Variants in GPATCH1 observed in about 807,000 individuals in gnomAD.
GPATCH1 encodes G-patch domain containing 1.
Under a neutral mutation model 114.9 loss-of-function variants are expected in GPATCH1, and 73 were observed. That is an observed-to-expected ratio of 0.64 (90% CI 0.53 to 0.77). The LOEUF is 0.77. Ranked by LOEUF, GPATCH1 falls within the 30% of genes least tolerant of loss-of-function variation. The pLI, the probability that GPATCH1 is intolerant of heterozygous loss-of-function variation, is 0.00. For missense variants in GPATCH1, 1,058 were observed against 1,144.3 expected (o/e 0.92, Z 1.09); for synonymous variants, 391 against 428.4 (o/e 0.91, Z 1.08).
In GPATCH1 at chr19:33,111,916, A is replaced by G. The variant is rs1315680588; in HGVS notation, c.1764+14A>G. On this transcript the variant is annotated intron_variant, in intron 12 of 19. Coordinates refer to ENST00000170564, the MANE Select transcript of GPATCH1 (RefSeq NM_018025.3). Reference sequence around the variant, plus strand: ...CGAGACCAAGAGGTCTGTTGTCACCATGTCCCTTACCTGGTGAACTTTAAT... The same window carrying G: ...CGAGACCAAGAGGTCTGTTGTCACCGTGTCCCTTACCTGGTGAACTTTAAT... 2 of 1,601,620 alleles carry G rather than the reference A, an allele frequency of 1.2e-6. No homozygotes were observed. The highest frequency in any genetic ancestry group is 2.7e-5 in the African/African-American group (2 of 74,658).
chr19:33,106,179 A>G (rs1326616784), intron 9 of GPATCH1, among the ~76,000 whole-genome samples: 2 of 151,464 alleles, frequency 1.3e-5, no homozygotes, highest in Non-Finnish European at 2.9e-5. Context: ...TTTTTTTTTT[A>G]GTTTTATAGA....
intron 5 of GPATCH1, among the ~76,000 whole-genome samples, chr19:33,095,018 G>A (rs1258801165): frequency 6.6e-6 from 1 of 152,036 alleles, no homozygotes; most frequent in Non-Finnish European, 1.5e-5. Flanking sequence ...ACCAAAATTA[G>A]CCAGGTGTGG....
chr19:33,099,962 A>T (rs981226157), intron 8 of GPATCH1, among the ~76,000 whole-genome samples: 7 of 151,326 alleles, frequency 4.6e-5, no homozygotes, highest in South Asian at 4.2e-4. Flanking sequence ...GTAGAGATGG[A>T]GTTTCATCAT....
At chr19:33,081,613 G>A (rs1418467008) in intron 1 of GPATCH1, among the ~76,000 whole-genome samples, 1 of 152,096 alleles carries the variant, frequency 6.6e-6, no homozygotes, top group Admixed American at 6.6e-5. Flanking sequence ...AAACAACCAT[G>A]AGCAAATCTG....
At chr19:33,106,393 A>T (rs1656242624) in intron 9 of GPATCH1, among the ~76,000 whole-genome samples, 1 of 152,060 alleles carries the variant, frequency 6.6e-6, no homozygotes, top group African/African-American at 2.4e-5. Context: ...GACATTTATG[A>T]TCTATTGTCA....
chr19:33,089,254 C>G (rs1972568425), intron 2 of GPATCH1, among the ~76,000 whole-genome samples: 1 of 152,104 alleles, frequency 6.6e-6, no homozygotes, highest in African/African-American at 2.4e-5. Context: ...ATGATGCCAC[C>G]AAGGGTCAGA....
chr19:33,098,939 C>T (rs951199846), intron 8 of GPATCH1, among the ~76,000 whole-genome samples: 1 of 150,954 alleles, frequency 6.6e-6, no homozygotes, highest in Non-Finnish European at 1.5e-5. Flanking sequence ...TTTTTTTCCC[C>T]TGAGTCATTT....
chr19:33,114,899 C>T (rs1304946551), intron 15 of GPATCH1, among the ~76,000 whole-genome samples: 2 of 150,058 alleles, frequency 1.3e-5, no homozygotes, highest in African/African-American at 4.9e-5. Flanking sequence ...GCCTCCCCTC[C>T]CGGGTTCAAG....
intron 17 of GPATCH1, among the ~76,000 whole-genome samples, chr19:33,122,684 A>G (rs1162235903): frequency 6.6e-6 from 1 of 152,120 alleles, no homozygotes; most frequent in Non-Finnish European, 1.5e-5. Flanking sequence ...TCCCTTTACC[A>G]TAATGTCTTT....
chr19:33,112,660 T>C (rs1972870852), intron 13 of GPATCH1, 47 bp downstream of exon 13: 1 of 1,516,502 alleles, frequency 6.6e-7, no homozygotes, highest in South Asian at 1.2e-5. Context: ...ATTCTTGATA[T>C]TAAAGCTAAT....
At chr19:33,127,259 C>T (rs1363543971) in intron 19 of GPATCH1, among the ~76,000 whole-genome samples, 1 of 152,070 alleles carries the variant, frequency 6.6e-6, no homozygotes, top group African/African-American at 2.4e-5. Context: ...TGGCTCATGC[C>T]TGTAATCCCA....
At chr19:33,089,286 C>T (rs921493420) in intron 2 of GPATCH1, among the ~76,000 whole-genome samples, 3 of 152,106 alleles carry the variant, frequency 2.0e-5, no homozygotes, top group Non-Finnish European at 2.9e-5. Flanking sequence ...GCCAGCATGG[C>T]GTTAGTGCTG....
At chr19:33,105,076 C>G (rs1315013014) in intron 9 of GPATCH1, among the ~76,000 whole-genome samples, 1 of 152,088 alleles carries the variant, frequency 6.6e-6, no homozygotes, top group East Asian at 1.9e-4. Flanking sequence ...GTCCCCACTC[C>G]CCTCCTAGCT....
chr19:33,129,353 G>A (rs944365411), intron 19 of GPATCH1, among the ~76,000 whole-genome samples: 1 of 150,756 alleles, frequency 6.6e-6, no homozygotes, highest in African/African-American at 2.4e-5. Flanking sequence ...TGGGAGGATC[G>A]CTTGAGCCCA....
At chr19:33,101,755 C>T (rs564634222) in intron 9 of GPATCH1, among the ~76,000 whole-genome samples, 181 bp downstream of exon 9, 25 of 152,242 alleles carry the variant, frequency 1.6e-4, no homozygotes, top group African/African-American at 2.9e-4. Flanking sequence ...CAGGGCGAGG[C>T]GCAGTGGCTC....
At position 33,111,675 on chromosome 19, in the gene GPATCH1, C is replaced by T. The variant is rs371343257; in HGVS notation, c.1586-49C>T. On this transcript the variant is annotated intron_variant, in intron 11 of 19. Coordinates refer to ENST00000170564, the MANE Select transcript of GPATCH1 (RefSeq NM_018025.3). Reference sequence around the variant, plus strand: ...CCCAGCAGATGTTCTCTTGTAAGCCCCATGTTTTCCTGAAAAGTGAAGCTG... The same window carrying T: ...CCCAGCAGATGTTCTCTTGTAAGCCTCATGTTTTCCTGAAAAGTGAAGCTG... The T allele has an allele frequency of 5.8e-6, 9 of 1,564,148 alleles. No homozygotes were observed. In the African/African-American group the frequency reaches 9.5e-5, roughly 16 times the overall value.
chr19:33,097,879 C>G lies in GPATCH1; in HGVS notation c.977C>G (p.Pro326Arg), dbSNP rs774225605. ...GACGGACTCTATGGCTGGACAGCACCCAGGCAGTATAAAAACCAGAAAGGT... is the reference window on the plus strand; with the variant it reads ...GACGGACTCTATGGCTGGACAGCACGCAGGCAGTATAAAAACCAGAAAGGT... ...PGDGLYGWTA[P>R]RQYKNQKESE... Residue 326 changes from proline (P) to arginine (R), a missense_variant, in exon 8 of 20, where the codon CCC (proline) becomes CGC (arginine). By Grantham distance (103) the Pro-to-Arg change is moderately radical. Coordinates refer to ENST00000170564, the MANE Select transcript of GPATCH1 (RefSeq NM_018025.3). 6.2e-7 allele frequency: 1 copy of G among 1,613,958 alleles called. No individual in the cohort carries two copies. The highest frequency in any genetic ancestry group is 1.1e-5 in the South Asian group (1 of 91,070).
intron 17 of GPATCH1, among the ~76,000 whole-genome samples, chr19:33,124,894 T>A (rs1018973621): frequency 2.0e-5 from 3 of 152,042 alleles, no homozygotes; most frequent in Non-Finnish European, 4.4e-5. Context: ...TTTGTTGAGG[T>A]CTCTGACAGC....
intron 2 of GPATCH1, among the ~76,000 whole-genome samples, chr19:33,088,658 C>CA (rs1972561158): frequency 1.1e-4 from 11 of 96,212 alleles, no homozygotes. Context: ...GCCACCTTTG[C>CA]TTTTTTTTTT....
Sources: gnomAD v4.1 joint callset for allele counts (sites outside exome capture counted in the v4.1 genomes callset) on GRCh38, gnomAD v4.1.1 for gene constraint, MANE v1.5 for transcripts, NCBI Gene and HGNC (gene_info 2026-07-23, HGNC 2026-07-21) for gene names.